DLEU7: variants seen among roughly 807,000 people sequenced by gnomAD.
DLEU7 encodes leukemia-associated protein 7.
Under a neutral mutation model 16.0 loss-of-function variants are expected in DLEU7, and 17 were observed. The ratio of observed to expected loss-of-function variants is 1.06; its 90% confidence interval spans 0.73 to 1.59. DLEU7 has a LOEUF of 1.59. Ranked by LOEUF, DLEU7 falls within the 40% of genes most tolerant of loss-of-function variation. The pLI, the probability that DLEU7 is intolerant of heterozygous loss-of-function variation, is 0.00. For synonymous variants in DLEU7, 113 were observed against 139.8 expected (o/e 0.81, Z 1.35); for missense variants, 308 against 314.9 (o/e 0.98, Z 0.17).
At chr13:50,835,864 G>T (rs1566269372) in intron 1 of DLEU7, among the ~76,000 whole-genome samples, 1 of 152,170 alleles carries the variant, frequency 6.6e-6, no homozygotes, top group Non-Finnish European at 1.5e-5. Context: ...TTAAAGCTTG[G>T]TACTGAAAAT....
chr13:50,789,322 C>A (rs1875882858), intron 1 of DLEU7, among the ~76,000 whole-genome samples: 1 of 149,782 alleles, frequency 6.7e-6, no homozygotes, highest in Non-Finnish European at 1.5e-5. Flanking sequence ...TGTAACCTCT[C>A]AGTGCCTCAA....
chr13:50,723,609 T>TG (rs1256865832), intron 1 of DLEU7, among the ~76,000 whole-genome samples: 2 of 152,130 alleles, frequency 1.3e-5, no homozygotes, highest in Non-Finnish European at 2.9e-5. Context: ...GTCACCTTCT[T>TG]GCTGTGTCCT....
At chr13:50,784,942 A>T (rs1278404625) in intron 1 of DLEU7, among the ~76,000 whole-genome samples, 1 of 152,078 alleles carries the variant, frequency 6.6e-6, no homozygotes, top group Non-Finnish European at 1.5e-5. Flanking sequence ...GAGTCTGGGG[A>T]CTTCTTGTTC....
intron 1 of DLEU7, among the ~76,000 whole-genome samples, chr13:50,735,559 T>G (rs1235936415): frequency 6.6e-6 from 1 of 151,674 alleles, no homozygotes; most frequent in Non-Finnish European, 1.5e-5. Context: ...GAAAAGAAAT[T>G]ACAAGAAAAA....
chr13:50,775,491 C>T (rs1875467617), intron 1 of DLEU7, among the ~76,000 whole-genome samples: 3 of 152,200 alleles, frequency 2.0e-5, no homozygotes, highest in Non-Finnish European at 2.9e-5. Flanking sequence ...ATCTCCGCAA[C>T]AGCTTTCTAG....
At chr13:50,772,701 T>C (rs1339123291) in intron 1 of DLEU7, among the ~76,000 whole-genome samples, 1 of 152,194 alleles carries the variant, frequency 6.6e-6, no homozygotes. Context: ...CCTTAACATT[T>C]TTTCCTTCAT....
At chr13:50,837,597 G>C (rs78837984) in intron 1 of DLEU7, among the ~76,000 whole-genome samples, 2,332 of 152,208 alleles carry the variant, frequency 0.015, 52 homozygotes, top group African/African-American at 0.053. Context: ...GCACCACCTT[G>C]GCTATGGCTA....
intron 1 of DLEU7, among the ~76,000 whole-genome samples, chr13:50,772,410 T>C (rs1875345867): frequency 6.6e-6 from 1 of 152,250 alleles, no homozygotes; most frequent in South Asian, 2.1e-4. Flanking sequence ...ATACCAGTTG[T>C]TCCTTTCCAT....
chr13:50,735,693 A>G (rs1314447732), intron 1 of DLEU7, among the ~76,000 whole-genome samples: 1 of 152,162 alleles, frequency 6.6e-6, no homozygotes, highest in Non-Finnish European at 1.5e-5. Context: ...AAAAGTGGGC[A>G]AAGGACATGA....
intron 1 of DLEU7, among the ~76,000 whole-genome samples, chr13:50,839,588 G>C (rs560603814): frequency 8.1e-4 from 123 of 152,276 alleles, no homozygotes; most frequent in Non-Finnish European, 1.3e-3. Context: ...CTCTAAGCCT[G>C]TCACTAGGCA....
At chr13:50,753,084 C>T (rs145517832) in intron 1 of DLEU7, among the ~76,000 whole-genome samples, 5,009 of 148,306 alleles carry the variant, frequency 0.034, 170 homozygotes, top group African/African-American at 0.094. Flanking sequence ...TACAGAGTGT[C>T]GATTGGTGCA....
At position 50,843,258 on chromosome 13, in the gene DLEU7, T is replaced by TCCGAG; in HGVS notation, c.388_389insCTCGG (p.Glu130AlafsTer25). The TCCGAG allele has an allele frequency of 6.3e-7, 1 of 1,592,674 alleles. No homozygotes were observed. The highest frequency in any genetic ancestry group is 8.5e-7 in the Non-Finnish European group (1 of 1,169,804). Reference sequence around the variant, plus strand: ...CAGCGTCTGCTCCACGCTGACCAGCTCCGAAGTCGAGTCCACCACGCGGGC... The same window carrying TCCGAG: ...CAGCGTCTGCTCCACGCTGACCAGCTCCGAGCCGAAGTCGAGTCCACCACGCGGGC... On this transcript the variant is annotated frameshift_variant, in exon 1 of 2. Transcript: ENST00000504404. LOFTEE classifies it high-confidence loss of function. This position sits in a 1 kb window ranked among gnomAD's most constrained non-coding sequence, Gnocchi z 5.7.
At chr13:50,738,538 T>C (rs1312228218) in intron 1 of DLEU7, among the ~76,000 whole-genome samples, 9 of 152,098 alleles carry the variant, frequency 5.9e-5, no homozygotes, top group African/African-American at 2.2e-4. Context: ...ACATGATTAG[T>C]GTCATGGAAT....
intron 1 of DLEU7, among the ~76,000 whole-genome samples, chr13:50,738,021 C>A (rs754633222): frequency 6.6e-6 from 1 of 152,090 alleles, no homozygotes. Context: ...TTGCTTATTG[C>A]TGATATGGAG....
At chr13:50,795,642 A>G (rs749938346) in intron 1 of DLEU7, among the ~76,000 whole-genome samples, 16 of 152,224 alleles carry the variant, frequency 1.1e-4, no homozygotes, top group Non-Finnish European at 1.9e-4. Context: ...ACCTTGAACC[A>G]TTCAATAATA....
At chr13:50,712,815 G>T (rs1001972281) in exon 2 of DLEU7, 1 of 193,714 alleles carries the variant, frequency 5.2e-6, no homozygotes, top group African/African-American at 2.3e-5. Context: ...TTAGGAGAAT[G>T]TTGGAAGACA....
At chr13:50,835,320 G>A (rs1877418669) in intron 1 of DLEU7, among the ~76,000 whole-genome samples, 1 of 152,194 alleles carries the variant, frequency 6.6e-6, no homozygotes, top group Non-Finnish European at 1.5e-5. Flanking sequence ...AGGAATTATA[G>A]AGCTGTAGCT....
At chr13:50,818,665 C>A (rs1275332579), downstream of DLEU7, 1 of 152,126 alleles carries the variant, frequency 6.6e-6, no homozygotes, top group African/African-American at 2.4e-5. Context: ...GAAATGTATT[C>A]TCTTATGGTT....
At chr13:50,735,606 T>G (rs896086484) in intron 1 of DLEU7, among the ~76,000 whole-genome samples, 1 of 151,790 alleles carries the variant, frequency 6.6e-6, no homozygotes, top group Non-Finnish European at 1.5e-5. Flanking sequence ...TATTATAAAC[T>G]ATGCATCTAA....
Sources: gnomAD v4.1 joint callset for allele counts (sites outside exome capture counted in the v4.1 genomes callset) on GRCh38, gnomAD v4.1.1 for gene constraint, Gnocchi (gnomAD v3.1) non-coding constraint, MANE v1.5 for transcripts, NCBI Gene and HGNC (gene_info 2026-07-23, HGNC 2026-07-21) for gene names.